Variants in CRYBB1 observed in about 807,000 individuals in gnomAD.
The protein encoded by CRYBB1 is crystallin beta B1.
In CRYBB1, 16 loss-of-function variants were observed where a neutral mutation model predicts 29.5. That is an observed-to-expected ratio of 0.54 (90% confidence interval 0.37 to 0.82). CRYBB1 has a LOEUF of 0.82. Ranked by LOEUF, CRYBB1 falls within the 40% of genes least tolerant of loss-of-function variation. CRYBB1 has a pLI of 0.00. For synonymous variants in CRYBB1, 127 were observed against 136.7 expected (o/e 0.93, Z 0.49); for missense variants, 300 against 350.5 (o/e 0.86, Z 1.15).
chr22:26,604,371 A>T (rs1444532690), intron 4 of CRYBB1, among the ~76,000 whole-genome samples: 1 of 152,236 alleles, frequency 6.6e-6, no homozygotes, highest in Non-Finnish European at 1.5e-5. Flanking sequence ...TTAAAAATGG[A>T]TGCTGTGATT....
chr22:26,615,726 C>G (rs962812412), intron 2 of CRYBB1, among the ~76,000 whole-genome samples: 1 of 152,142 alleles, frequency 6.6e-6, no homozygotes, highest in African/African-American at 2.4e-5. Flanking sequence ...GTTGGCCAGG[C>G]TGGTCTCGAA....
rs962247035 is a variant in CRYBB1 at position 26,612,289 on chromosome 22, A to G, written c.181-99T>C. ...TAAAAGCCAGCAGTGCAGGAGTCACATAAAAGTGTGATGAGCCACAGTTTG... is the reference window on the plus strand; with the variant it reads ...TAAAAGCCAGCAGTGCAGGAGTCACGTAAAAGTGTGATGAGCCACAGTTTG... On this transcript the variant is annotated intron_variant, in intron 2 of 5. Transcript: ENST00000647684. The G allele has an allele frequency of 3.9e-6, 3 of 773,832 alleles. No homozygotes were observed. The African/African-American group carries it at 5.2e-5, about 13-fold the overall frequency. 47.9% of individuals were successfully genotyped at this position (773,832 alleles called of 1,614,324 possible). A position where few individuals can be genotyped will look rare whatever the true frequency, so the allele number is the denominator to read the frequency against.
intron 2 of CRYBB1, among the ~76,000 whole-genome samples, chr22:26,615,408 G>A (rs1929311575): frequency 1.3e-5 from 2 of 152,122 alleles, no homozygotes; most frequent in Admixed American, 6.5e-5. Context: ...CTAAGCATGT[G>A]CGTGTGCAGG....
chr22:26,610,626 C>T (rs1039886330), intron 3 of CRYBB1, among the ~76,000 whole-genome samples: 21 of 152,132 alleles, frequency 1.4e-4, no homozygotes, highest in African/African-American at 4.8e-4. Context: ...GAAATGGTCC[C>T]GGGTAGCCTC....
intron 3 of CRYBB1, among the ~76,000 whole-genome samples, chr22:26,609,274 C>T (rs1175773249): frequency 6.6e-6 from 1 of 152,306 alleles, no homozygotes; most frequent in South Asian, 2.1e-4. Flanking sequence ...GATGAGTTAA[C>T]CACACTGGAG....
rs769567242 is a variant in CRYBB1, at chr22:26,612,147, T to G, written c.224A>C (p.Glu75Ala). ...ELENFQGRRA[E>A]FSGECSNLAD... Reference sequence around the variant, plus strand: ...CAGATTTGAGCACTCCCCCGAGAATTCTGCTCGACGGCCCTGGAAGTTTTC... The same window carrying G: ...CAGATTTGAGCACTCCCCCGAGAATGCTGCTCGACGGCCCTGGAAGTTTTC... The change falls in exon 3 of 6, where the codon GAA (glutamate) becomes GCA (alanine). Residue 75 changes from glutamate to alanine, a missense_variant. Physicochemically the swap from Glu to Ala is moderately radical, Grantham distance 107. Coordinates refer to ENST00000647684, the MANE Select transcript of CRYBB1 (RefSeq NM_001887.4). 8 of 1,613,890 alleles carry G rather than the reference T, an allele frequency of 5.0e-6. No homozygotes were observed. The highest frequency in any genetic ancestry group is 6.8e-6 in the Non-Finnish European group (8 of 1,179,976).
chr22:26,610,056 A>AG (rs5844710), intron 3 of CRYBB1, among the ~76,000 whole-genome samples: 147,141 of 152,022 alleles, frequency 0.97, 71,133 homozygotes, highest in African/African-American at 0.99. Context: ...ACCATGCCCA[A>AG]GTCCCCCTAA....
At chr22:26,613,108 G>A (rs1372137220) in intron 2 of CRYBB1, among the ~76,000 whole-genome samples, 1 of 152,184 alleles carries the variant, frequency 6.6e-6, no homozygotes, top group Non-Finnish European at 1.5e-5. Flanking sequence ...CTGCCACAGA[G>A]CTGATGCTCA....
chr22:26,610,410 A>G (rs1929121640), intron 3 of CRYBB1, among the ~76,000 whole-genome samples: 1 of 151,788 alleles, frequency 6.6e-6, no homozygotes, highest in South Asian at 2.1e-4. Context: ...GCCCGTTTCC[A>G]TGCCCATCAG....
chr22:26,599,481 G>T lies in CRYBB1; in HGVS notation c.*9C>A. 1 of 1,608,912 alleles carries T rather than the reference G, an allele frequency of 6.2e-7. No homozygotes were observed. The highest frequency in any genetic ancestry group is 8.5e-7 in the Non-Finnish European group (1 of 1,176,988). ...GGGTTGGGGCAAGGTAGCAGAGTGA[G>T]GTGTGGACTCACTTGGGGGGCTCTG... is the stretch of plus-strand genomic sequence containing the variant. On this transcript the variant is annotated 3_prime_UTR_variant, in exon 6 of 6. Coordinates refer to ENST00000647684, the MANE Select transcript of CRYBB1 (RefSeq NM_001887.4).
chr22:26,610,948 G>T lies in CRYBB1; in HGVS notation c.299+1124C>A, dbSNP rs137863451. ...TGGAACCCTTGCAGGCTTTCAAAGTGGGGGAGACAAGAGCAAACGAGCTGC... is the reference window on the plus strand; with the variant it reads ...TGGAACCCTTGCAGGCTTTCAAAGTTGGGGAGACAAGAGCAAACGAGCTGC... On this transcript the variant is annotated intron_variant, in intron 3 of 5. Coordinates refer to ENST00000647684, the MANE Select transcript of CRYBB1 (RefSeq NM_001887.4). 5.9e-3 allele frequency among the ~76,000 whole-genome samples: 901 copies of T among 152,290 alleles called. 2 individuals are homozygous for T. Among genetic ancestry groups the T allele is most frequent in the Non-Finnish European group, 9.9e-3 (673 of 68,016 alleles).
intron 4 of CRYBB1, among the ~76,000 whole-genome samples, chr22:26,603,366 C>G (rs1326636064): frequency 6.6e-6 from 1 of 151,606 alleles, no homozygotes; most frequent in Non-Finnish European, 1.5e-5. Flanking sequence ...CCCATCTCTA[C>G]TAAAAATGCA....
intron 3 of CRYBB1, among the ~76,000 whole-genome samples, 154 bp from the exon 4 acceptor site, chr22:26,608,175 C>T (rs1328651045): frequency 6.6e-6 from 1 of 152,218 alleles, no homozygotes; most frequent in African/African-American, 2.4e-5. Context: ...TGATTTTAGG[C>T]TCTGACACTT....
chr22:26,608,402 C>T (rs539315036), intron 3 of CRYBB1, among the ~76,000 whole-genome samples: 4 of 150,152 alleles, frequency 2.7e-5, no homozygotes, highest in South Asian at 4.5e-4. Flanking sequence ...TGAAACTTGA[C>T]GCCAGCTAGG....
chr22:26,601,778 C>T, intron 5 of CRYBB1, 101 bp downstream of exon 5: 1 of 1,579,640 alleles, frequency 6.3e-7, no homozygotes, highest in Non-Finnish European at 8.6e-7. Context: ...GGGGCCATGG[C>T]CTTCTCTAGG....
intron 5 of CRYBB1, among the ~76,000 whole-genome samples, chr22:26,600,224 AC>A (rs1373895254): frequency 1.3e-5 from 2 of 152,056 alleles, no homozygotes; most frequent in Non-Finnish European, 2.9e-5. Context: ...ATGCAGTGAA[AC>A]CCCGTCTCTA....
At position 26,599,598 on chromosome 22, in the gene CRYBB1, A is replaced by G. The variant is rs759036374; in HGVS notation, c.651T>C (p.Asn217=). The change falls in exon 6 of 6, where the codon AAT becomes AAC. Residue 217 remains asparagine, a synonymous_variant. Transcript: ENST00000647684. ...TCTGTGGCTGGAAGGCTCCCCACTC[A>G]TTCCAGTGCCGGAAGTCACCAGGCT... The part of the protein sequence containing the change: ...LLEPGDFRHW[N]EWGAFQPQMQ... The G allele has an allele frequency of 6.2e-7, 1 of 1,614,176 alleles. No individual in the cohort carries two copies.
chr22:26,603,741 T>C (rs2145960105), intron 4 of CRYBB1, among the ~76,000 whole-genome samples: 1 of 134,474 alleles, frequency 7.4e-6, no homozygotes, highest in South Asian at 2.8e-4. Flanking sequence ...CCATCTCTAC[T>C]AAAAATACAA....
intron 1 of CRYBB1, among the ~76,000 whole-genome samples, chr22:26,617,434 C>T (rs938882705): frequency 1.3e-5 from 2 of 152,210 alleles, no homozygotes; most frequent in Non-Finnish European, 1.5e-5. Context: ...CCTCCCCCAG[C>T]CTCCTCCAGG....
Sources: gnomAD v4.1 joint callset for allele counts (sites outside exome capture counted in the v4.1 genomes callset) on GRCh38, gnomAD v4.1.1 for gene constraint, MANE v1.5 for transcripts, NCBI Gene and HGNC (gene_info 2026-07-23, HGNC 2026-07-21) for gene names.